Variants in FGF14 observed in about 807,000 individuals in gnomAD.
The protein encoded by FGF14 is fibroblast growth factor homologous factor 4.
In FGF14, 5 loss-of-function variants were observed where a neutral mutation model predicts 25.5. The observed-to-expected ratio is 0.20, with a 90% CI of 0.10 to 0.41. FGF14 has a LOEUF of 0.41. FGF14 is among the 10% of genes least tolerant of loss of function. The pLI is 1.00. For synonymous variants in FGF14, 138 were observed against 118.3 expected (o/e 1.17, Z -1.08); for missense variants, 222 against 320.1 (o/e 0.69, Z 2.34).
At chr13:102,178,524 A>AGT (rs1301963610) in intron 1 of FGF14, among the ~76,000 whole-genome samples, 7 of 152,096 alleles carry the variant, frequency 4.6e-5, no homozygotes, top group African/African-American at 1.4e-4. Context: ...CCATTAAGTA[A>AGT]TTTTTTGTCT....
At chr13:102,295,545 A>G (rs1408155570) in intron 1 of FGF14, among the ~76,000 whole-genome samples, 1 of 152,138 alleles carries the variant, frequency 6.6e-6, no homozygotes, top group Non-Finnish European at 1.5e-5. Flanking sequence ...CCAACTTTCT[A>G]AAGGTCGGCG....
At chr13:101,915,947 G>A (rs927865924) in intron 1 of FGF14, among the ~76,000 whole-genome samples, 9 of 152,164 alleles carry the variant, frequency 5.9e-5, no homozygotes, top group Non-Finnish European at 1.2e-4. Context: ...AGCAGCTCCC[G>A]CTGGGGGCAC....
At chr13:102,311,360 T>G (rs2055757807) in intron 1 of FGF14, among the ~76,000 whole-genome samples, 3 of 152,182 alleles carry the variant, frequency 2.0e-5, no homozygotes, top group Admixed American at 2.0e-4. Flanking sequence ...AAAATATCTT[T>G]TCTATGTGAG....
chr13:101,942,840 T>C (rs1323250236), intron 1 of FGF14, among the ~76,000 whole-genome samples: 1 of 152,218 alleles, frequency 6.6e-6, no homozygotes, highest in Non-Finnish European at 1.5e-5. Context: ...AATTGTTTAA[T>C]CTCTAGCCAG....
At chr13:102,023,012 A>G (rs2139877921) in intron 1 of FGF14, among the ~76,000 whole-genome samples, 1 of 151,342 alleles carries the variant, frequency 6.6e-6, no homozygotes, top group Admixed American at 6.6e-5. Context: ...GTCAATTAGG[A>G]AAACTGTACA....
intron 1 of FGF14, among the ~76,000 whole-genome samples, chr13:102,036,859 G>C (rs764917911): frequency 1.6e-4 from 25 of 152,142 alleles, no homozygotes; most frequent in Middle Eastern, 3.2e-3. Flanking sequence ...ATAAAGGAAT[G>C]CTAATATTTC....
chr13:102,125,778 T>C (rs549876335), intron 1 of FGF14, among the ~76,000 whole-genome samples: 1 of 152,324 alleles, frequency 6.6e-6, no homozygotes, highest in Admixed American at 6.5e-5. Context: ...TAGTGTGTCA[T>C]GGTGTAAAAC....
At chr13:102,341,953 T>C (rs552968947) in intron 1 of FGF14, among the ~76,000 whole-genome samples, 2 of 152,160 alleles carry the variant, frequency 1.3e-5, no homozygotes, top group Non-Finnish European at 2.9e-5. Context: ...CTGAACCTAC[T>C]TGATATGGAG....
At chr13:101,844,155 C>A (rs1028673899) in intron 3 of FGF14, among the ~76,000 whole-genome samples, 1 of 151,920 alleles carries the variant, frequency 6.6e-6, no homozygotes, top group African/African-American at 2.4e-5. Context: ...ACTGAAGCCT[C>A]TAAAATGCAA....
chr13:101,920,604 C>T (rs1447401899), upstream of FGF14, among the ~76,000 whole-genome samples: 1 of 152,154 alleles, frequency 6.6e-6, no homozygotes, highest in African/African-American at 2.4e-5. Flanking sequence ...TCATTTCTAT[C>T]TTGTAAATTC....
intron 3 of FGF14, among the ~76,000 whole-genome samples, chr13:101,828,278 C>A (rs1049923771): frequency 2.0e-5 from 3 of 151,980 alleles, no homozygotes; most frequent in Non-Finnish European, 4.4e-5. Context: ...GTCTACATGA[C>A]TAAGTCAAGC....
At chr13:101,761,798 C>T (rs1033464638) in intron 3 of FGF14, among the ~76,000 whole-genome samples, 12 of 152,096 alleles carry the variant, frequency 7.9e-5, no homozygotes, top group East Asian at 1.9e-4. Context: ...AAGAAAACAA[C>T]GCTTGTCCTC....
intron 1 of FGF14, among the ~76,000 whole-genome samples, chr13:102,032,595 G>A (rs1341476962): frequency 5.3e-5 from 8 of 152,068 alleles, no homozygotes; most frequent in African/African-American, 1.7e-4. Flanking sequence ...GGTTGTATTT[G>A]GTTTGTGTCC....
At chr13:102,197,702 C>T (rs142049051) in intron 1 of FGF14, among the ~76,000 whole-genome samples, 56 of 151,674 alleles carry the variant, frequency 3.7e-4, no homozygotes, top group Middle Eastern at 3.4e-3. Flanking sequence ...TATATACATA[C>T]GTAGCATAAC....
chr13:101,950,273 T>A (rs1362263395), intron 1 of FGF14, among the ~76,000 whole-genome samples: 1 of 152,194 alleles, frequency 6.6e-6, no homozygotes, highest in Admixed American at 6.5e-5. Context: ...CTACTAGTAG[T>A]TGGCTACTCT....
chr13:101,758,922 G>C (rs1249647828), intron 3 of FGF14, among the ~76,000 whole-genome samples: 1 of 152,142 alleles, frequency 6.6e-6, no homozygotes. Flanking sequence ...CTGACTTAAA[G>C]ATTCAACAGA....
At chr13:102,196,406 C>A (rs527910506) in intron 1 of FGF14, among the ~76,000 whole-genome samples, 1 of 152,172 alleles carries the variant, frequency 6.6e-6, no homozygotes, top group East Asian at 1.9e-4. Flanking sequence ...AGCAAAAAAG[C>A]CTCAGGAAAG....
At chr13:102,046,666 G>A (rs1542410) in intron 1 of FGF14, among the ~76,000 whole-genome samples, 49,993 of 151,916 alleles carry the variant, frequency 0.33, 9,114 homozygotes, top group East Asian at 0.73. Flanking sequence ...AATAAAAGGT[G>A]GAATATATTA....
chr13:101,731,565 T>C (rs1423612596), intron 3 of FGF14, among the ~76,000 whole-genome samples: 1 of 152,228 alleles, frequency 6.6e-6, no homozygotes. Flanking sequence ...ATCTTAACAG[T>C]AGCAGCAGAA....
Sources: gnomAD v4.1 joint callset for allele counts (sites outside exome capture counted in the v4.1 genomes callset) on GRCh38, gnomAD v4.1.1 for gene constraint, MANE v1.5 for transcripts, NCBI Gene and HGNC (gene_info 2026-07-23, HGNC 2026-07-21) for gene names.